MIPOL1: variants seen among roughly 807,000 people sequenced by gnomAD.
MIPOL1 encodes mirror-image polydactyly 1.
Under a neutral mutation model 60.9 loss-of-function variants are expected in MIPOL1, and 57 were observed. The ratio of observed to expected loss-of-function variants is 0.94; its 90% CI spans 0.76 to 1.17. The LOEUF (loss-of-function observed/expected upper bound fraction) is 1.17. Ranked by LOEUF, MIPOL1 falls within the 50% of genes most tolerant of loss-of-function variation. The pLI, the probability that MIPOL1 is intolerant of heterozygous loss-of-function variation, is 0.00. For synonymous variants in MIPOL1, 179 were observed against 168.8 expected (o/e 1.06, Z -0.47); for missense variants, 551 against 511.6 (o/e 1.08, Z -0.74).
chr14:37,497,573 G>T (rs1300806123), intron 11 of MIPOL1, among the ~76,000 whole-genome samples: 1 of 152,182 alleles, frequency 6.6e-6, no homozygotes, highest in African/African-American at 2.4e-5. Flanking sequence ...AGGCATGGTG[G>T]CATATGCCCA....
chr14:37,287,029 T>A (rs1178624402), intron 7 of MIPOL1, among the ~76,000 whole-genome samples: 1 of 152,202 alleles, frequency 6.6e-6, no homozygotes, highest in East Asian at 1.9e-4. Flanking sequence ...CTGAACCCAG[T>A]CTATCTTTGA....
At chr14:37,391,437 C>G (rs1222592534) in intron 10 of MIPOL1, among the ~76,000 whole-genome samples, 1 of 150,618 alleles carries the variant, frequency 6.6e-6, no homozygotes, top group East Asian at 2.0e-4. Flanking sequence ...CACTCTGTCA[C>G]CATGCTGGAG....
intron 11 of MIPOL1, among the ~76,000 whole-genome samples, chr14:37,430,292 A>T (rs2153558284): frequency 6.6e-6 from 1 of 152,192 alleles, no homozygotes. Flanking sequence ...TCTACTTCTC[A>T]CATTTTATGA....
intron 9 of MIPOL1, among the ~76,000 whole-genome samples, chr14:37,357,690 T>C (rs1244344811): frequency 1.3e-5 from 2 of 152,130 alleles, no homozygotes; most frequent in East Asian, 1.9e-4. Flanking sequence ...TTTGCAAATA[T>C]TTTCTCCCAT....
chr14:37,440,538 G>C (rs969978964), intron 11 of MIPOL1, among the ~76,000 whole-genome samples: 3 of 152,006 alleles, frequency 2.0e-5, no homozygotes, highest in African/African-American at 4.8e-5. Context: ...TTGTCTTTCT[G>C]TGTCTGGCTT....
At chr14:37,426,564 AATATACATATATATATATATATATAT>A (rs2093963436) in intron 11 of MIPOL1, among the ~76,000 whole-genome samples, 1 of 20,620 alleles carries the variant, frequency 4.8e-5, no homozygotes, top group Non-Finnish European at 9.5e-5. Flanking sequence ...TCTGTCTCAA[AATATACATATATATATATATATATAT>A]ATATACACAC....
At chr14:37,440,459 T>C (rs1035519905) in intron 11 of MIPOL1, among the ~76,000 whole-genome samples, 2 of 152,122 alleles carry the variant, frequency 1.3e-5, no homozygotes. Context: ...CTATTGTCTA[T>C]CATTCCACTC....
chr14:37,387,720 A>G (rs1173689072), intron 10 of MIPOL1, among the ~76,000 whole-genome samples: 1 of 151,930 alleles, frequency 6.6e-6, no homozygotes, highest in East Asian at 1.9e-4. Context: ...TAACTTCCCT[A>G]TTTATAAGAC....
chr14:37,522,876 T>TG (rs1196719549), intron 12 of MIPOL1, among the ~76,000 whole-genome samples: 3 of 152,076 alleles, frequency 2.0e-5, no homozygotes, highest in African/African-American at 7.2e-5. Context: ...TACATGTTAG[T>TG]GGGAAATTAA....
At chr14:37,380,986 T>A (rs1000639395) in intron 10 of MIPOL1, among the ~76,000 whole-genome samples, 4 of 152,144 alleles carry the variant, frequency 2.6e-5, no homozygotes, top group Non-Finnish European at 5.9e-5. Context: ...TTTTCTCTGA[T>A]GGAAACGCTC....
At chr14:37,213,643 G>A (rs1051184698) in intron 1 of MIPOL1, among the ~76,000 whole-genome samples, 6 of 151,892 alleles carry the variant, frequency 4.0e-5, no homozygotes, top group African/African-American at 4.8e-5. Flanking sequence ...AGAGATAGGG[G>A]CAGAAAGTTT....
rs142664639 is a variant in MIPOL1 at position 37,268,704 on chromosome 14, C to T, written c.298C>T (p.Pro100Ser). Residue 100 changes from proline (P) to serine (S), a missense_variant, in exon 5 of 13, where the codon CCT (proline) becomes TCT (serine). By Grantham distance (74) the Pro-to-Ser change is moderately conservative. Coordinates refer to ENST00000684589, the MANE Select transcript of MIPOL1 (RefSeq NM_001388067.1). ...HNDMHYECMT[P>S]CQVTSDSDKE... Reference sequence around the variant, plus strand: ...TGATATGCATTATGAATGTATGACTCCTTGTCAAGTTACTTCAGACTCAGA... The same window carrying T: ...TGATATGCATTATGAATGTATGACTTCTTGTCAAGTTACTTCAGACTCAGA... 2 of 1,602,310 alleles carry T rather than the reference C, an allele frequency of 1.2e-6. No individual in the cohort carries two copies.
chr14:37,283,742 ACAT>A (rs2084316504), intron 6 of MIPOL1, among the ~76,000 whole-genome samples: 1 of 152,216 alleles, frequency 6.6e-6, no homozygotes, highest in Admixed American at 6.5e-5. Flanking sequence ...ATTTTTCATA[ACAT>A]CATGAATAGT....
chr14:37,470,638 A>G (rs147785685), intron 11 of MIPOL1, among the ~76,000 whole-genome samples: 227 of 152,182 alleles, frequency 1.5e-3, no homozygotes, highest in Middle Eastern at 6.8e-3. Context: ...TTTTCTTACA[A>G]ATTACCCAGT....
chr14:37,223,161 T>C (rs2139556344), intron 1 of MIPOL1, among the ~76,000 whole-genome samples: 1 of 151,952 alleles, frequency 6.6e-6, no homozygotes, highest in South Asian at 2.1e-4. Flanking sequence ...GTCTCCCAAG[T>C]AGCTGGGATT....
At chr14:37,542,678 C>A (rs2095534175) in intron 12 of MIPOL1, among the ~76,000 whole-genome samples, 1 of 152,176 alleles carries the variant, frequency 6.6e-6, no homozygotes, top group South Asian at 2.1e-4. Flanking sequence ...CTTCCATACC[C>A]AAGGTAGGTT....
intron 10 of MIPOL1, among the ~76,000 whole-genome samples, chr14:37,392,654 GT>G (rs1181738931): frequency 6.6e-6 from 1 of 152,068 alleles, no homozygotes; most frequent in African/African-American, 2.4e-5. Context: ...GTTAGCTGTG[GT>G]TTTTTTGTAA....
intron 12 of MIPOL1, chr14:37,505,367 CA>C: frequency 6.6e-6 from 1 of 152,328 alleles, no homozygotes; most frequent in Admixed American, 6.5e-5. Context: ...AAAATACTGG[CA>C]ACCCAAATCC....
At chr14:37,297,456 G>A (rs973434289) in intron 7 of MIPOL1, among the ~76,000 whole-genome samples, 4 of 152,132 alleles carry the variant, frequency 2.6e-5, no homozygotes, top group African/African-American at 7.2e-5. Flanking sequence ...TCTGGCCAGG[G>A]CAATCAGGCA....
Sources: gnomAD v4.1 joint callset for allele counts (sites outside exome capture counted in the v4.1 genomes callset) on GRCh38, gnomAD v4.1.1 for gene constraint, MANE v1.5 for transcripts, NCBI Gene and HGNC (gene_info 2026-07-23, HGNC 2026-07-21) for gene names.